The following CCN6 variants were observed in gnomAD, a reference collection of about 807,000 sequenced individuals.
CCN6 encodes CCN family member 6.
CCN6 carries 31 observed loss-of-function variants against 37.4 expected under a neutral mutation model. The observed-to-expected ratio is 0.83, with a 90% CI of 0.62 to 1.12. CCN6 has a LOEUF of 1.12. CCN6 is among the 50% of genes most tolerant of loss of function. The pLI, the probability that CCN6 is intolerant of heterozygous loss-of-function variation, is 0.00. For missense variants in CCN6, 369 were observed against 413.8 expected (o/e 0.89, Z 0.94); for synonymous variants, 137 against 142.1 (o/e 0.96, Z 0.26).
intron 4 of CCN6, 146 bp from the exon 5 acceptor site, chr6:112,069,193 G>A (rs1554314658): frequency 1.2e-6 from 1 of 848,874 alleles, no homozygotes. Context: ...GGGATCTTAA[G>A]GGTAAAGAGA....
At chr6:112,067,036 T>C (rs782688563) in intron 3 of CCN6, 1 of 1,366,244 alleles carries the variant, frequency 7.3e-7, no homozygotes, top group South Asian at 1.1e-5. Context: ...CTTCCAGGTA[T>C]CTTCACGTTT....
At chr6:112,063,430 A>G (rs1464725125) in intron 2 of CCN6, among the ~76,000 whole-genome samples, 1 of 152,226 alleles carries the variant, frequency 6.6e-6, no homozygotes, top group Non-Finnish European at 1.5e-5. Flanking sequence ...TTACTCATGT[A>G]TAATTTTGCC....
chr6:112,054,717 T>A lies in CCN6; in HGVS notation c.48+312T>A, dbSNP rs182936635. On this transcript the variant is annotated intron_variant, in intron 1 of 4. Transcript: ENST00000368666. ...GAGCCTAAGGCACAGCCTGGCACAG[T>A]GCGGGAAACAGTGTCTCTCCATGCC... 2.5e-4 allele frequency: 92 copies of A among 367,122 alleles called. No individual in the cohort carries two copies. In the East Asian group the frequency reaches 5.5e-3, roughly 22 times the overall value. 22.7% of individuals were successfully genotyped at this position (367,122 alleles called of 1,614,324 possible).
At position 112,064,783 on chromosome 6, in the gene CCN6, C is replaced by G. The variant is rs201041023; in HGVS notation, c.375C>G (p.Asn125Lys). The change falls in exon 3 of 5, where the codon AAC becomes AAG. Residue 125 changes from asparagine (N) to lysine (K), a missense_variant. Asn to Lys is a moderately conservative substitution (Grantham distance 94). Coordinates refer to ENST00000368666, the MANE Select transcript of CCN6 (RefSeq NM_198239.2). ...TTGTAGCTGTTGGGTGCGAGTTCAACCAGGTACATTATCATAATGGCCAAG... is the reference window on the plus strand; with the variant it reads ...TTGTAGCTGTTGGGTGCGAGTTCAAGCAGGTACATTATCATAATGGCCAAG... ...AYLVAVGCEF[N>K]QVHYHNGQVF... 3.7e-6 allele frequency: 6 copies of G among 1,613,922 alleles called. No homozygotes were observed. In the African/African-American group the frequency reaches 8.0e-5, roughly 22 times the overall value.
chr6:112,058,692 C>A (rs1178524171), intron 1 of CCN6, among the ~76,000 whole-genome samples: 1 of 152,198 alleles, frequency 6.6e-6, no homozygotes, highest in Non-Finnish European at 1.5e-5. Context: ...GGAACAGCAT[C>A]ATATATGCAG....
chr6:112,058,905 C>T (rs192629967), intron 1 of CCN6, among the ~76,000 whole-genome samples: 2 of 152,296 alleles, frequency 1.3e-5, no homozygotes, highest in African/African-American at 4.8e-5. Context: ...TGACGCCATT[C>T]ACTAAAATGG....
chr6:112,064,640 T>A, intron 2 of CCN6, 115 bp from the exon 3 acceptor site: 1 of 1,530,088 alleles, frequency 6.5e-7, no homozygotes, highest in East Asian at 2.2e-5. Flanking sequence ...ACCTAAGAGG[T>A]TGAGAGCTAT....
intron 4 of CCN6, among the ~76,000 whole-genome samples, chr6:112,069,115 CA>C (rs1197825972): frequency 6.6e-6 from 1 of 151,908 alleles, no homozygotes; most frequent in Non-Finnish European, 1.5e-5. Flanking sequence ...GAATAGATAG[CA>C]AAAAACATTG....
At chr6:112,053,467 T>C (rs1225374732), upstream of CCN6, among the ~76,000 whole-genome samples, 1 of 151,626 alleles carries the variant, frequency 6.6e-6, no homozygotes, top group African/African-American at 2.4e-5. Context: ...TGGCTAATTT[T>C]TGTGTCTTTT....
chr6:112,062,909 G>A (rs1776568972), intron 2 of CCN6, among the ~76,000 whole-genome samples: 2 of 151,892 alleles, frequency 1.3e-5, no homozygotes, highest in African/African-American at 4.9e-5. Flanking sequence ...GACCTAAAGA[G>A]GTTTTATGTG....
At chr6:112,060,886 T>C (rs1202106395) in intron 1 of CCN6, 105 bp from the exon 2 acceptor site, 5 of 1,331,368 alleles carry the variant, frequency 3.8e-6, no homozygotes, top group East Asian at 2.4e-5. Flanking sequence ...ATAATGATTG[T>C]AACTCACCAC....
chr6:112,069,677 G>T lies in CCN6; in HGVS notation c.*57G>T. 6.3e-7 allele frequency: 1 copy of T among 1,597,584 alleles called. No homozygotes were observed. Among genetic ancestry groups the T allele is most frequent in the African/African-American group, 1.3e-5 (1 of 74,598 alleles). ...CCTGTCATATAATAAAAAAATTAGT[G>T]AGTATAAAATGGTGGCAAATCTACT... On this transcript the variant is annotated 3_prime_UTR_variant, in exon 5 of 5. Coordinates refer to ENST00000368666, the MANE Select transcript of CCN6 (RefSeq NM_198239.2).
chr6:112,060,157 C>T (rs1776470564), intron 1 of CCN6: 1 of 1,321,448 alleles, frequency 7.6e-7, no homozygotes, highest in East Asian at 4.8e-5. Flanking sequence ...CATGGTGGCA[C>T]TTTGAATTTT....
At chr6:112,066,500 G>C (rs914466197) in intron 3 of CCN6, among the ~76,000 whole-genome samples, 1 of 152,144 alleles carries the variant, frequency 6.6e-6, no homozygotes, top group African/African-American at 2.4e-5. Flanking sequence ...GTCAGTCTTA[G>C]TAGTTAGTGT....
At chr6:112,063,128 C>A (rs782543086) in intron 2 of CCN6, among the ~76,000 whole-genome samples, 1 of 152,124 alleles carries the variant, frequency 6.6e-6, no homozygotes, top group African/African-American at 2.4e-5. Flanking sequence ...TAGCTAGAGT[C>A]GCACATTTGC....
Position 112,061,135 on chromosome 6 carries a change from G to A in CCN6, c.193G>A (p.Val65Met). 1 of 1,614,180 alleles carries A rather than the reference G, an allele frequency of 6.2e-7. No individual in the cohort carries two copies. Among genetic ancestry groups the A allele is most frequent in the Non-Finnish European group, 8.5e-7 (1 of 1,180,030 alleles). Reference protein sequence around the residue: ...PQQKPRCPPGVSLVRDGCGCC... With the variant: ...PQQKPRCPPGMSLVRDGCGCC... Reference sequence around the variant, plus strand: ...GCAGAAGCCCCGTTGCCCTCCTGGAGTGAGCCTGGTGAGAGATGGCTGTGG... The same window carrying A: ...GCAGAAGCCCCGTTGCCCTCCTGGAATGAGCCTGGTGAGAGATGGCTGTGG... Residue 65 changes from valine to methionine, a missense_variant, in exon 2 of 5, where the codon GTG becomes ATG. Coordinates refer to ENST00000368666, the MANE Select transcript of CCN6 (RefSeq NM_198239.2).
intron 1 of CCN6, among the ~76,000 whole-genome samples, chr6:112,058,033 A>G (rs139055804): frequency 1.2e-4 from 18 of 152,310 alleles, no homozygotes; most frequent in Admixed American, 1.1e-3. Flanking sequence ...ACTGGTGGCT[A>G]TAGCTGAACC....
rs587624409 is a variant in CCN6, at chr6:112,065,286, C to T, written c.589+289C>T. On this transcript the variant is annotated intron_variant, in intron 3 of 4. Coordinates refer to ENST00000368666, the MANE Select transcript of CCN6 (RefSeq NM_198239.2). ...TTACACCTCTGCTTATTTCTAACCTCTTCTCAGGAAAATTGACCAAATATT... is the reference window on the plus strand; with the variant it reads ...TTACACCTCTGCTTATTTCTAACCTTTTCTCAGGAAAATTGACCAAATATT... Among the ~76,000 whole-genome samples the T allele has an allele frequency of 1.8e-4, 27 of 152,264 alleles. No individual in the cohort carries two copies. In the East Asian group the frequency reaches 4.8e-3, roughly 27 times the overall value.
chr6:112,053,536 T>C (rs1248526848), upstream of CCN6, among the ~76,000 whole-genome samples: 2 of 151,916 alleles, frequency 1.3e-5, no homozygotes, highest in East Asian at 3.9e-4. Flanking sequence ...TTAATCTTAA[T>C]TCATTAAATG....
Sources: gnomAD v4.1 joint callset for allele counts (sites outside exome capture counted in the v4.1 genomes callset) on GRCh38, gnomAD v4.1.1 for gene constraint, MANE v1.5 for transcripts, NCBI Gene and HGNC (gene_info 2026-07-23, HGNC 2026-07-21) for gene names.